Variants in NUBPL observed in about 807,000 individuals in gnomAD.
NUBPL encodes NUBP iron-sulfur cluster assembly factor, mitochondrial.
Under a neutral mutation model 45.7 loss-of-function variants are expected in NUBPL, and 31 were observed. That is an observed-to-expected ratio of 0.68 (90% confidence interval 0.51 to 0.92). NUBPL has a LOEUF of 0.92. Ranked by LOEUF, NUBPL falls within the 40% of genes least tolerant of loss-of-function variation. NUBPL has a pLI of 0.00. For synonymous variants in NUBPL, 144 were observed against 140.9 expected, an observed-to-expected ratio of 1.02 and a Z score of -0.15; for missense variants, 401 against 398.7, an observed-to-expected ratio of 1.01 and a Z score of -0.05.
At chr14:31,635,286 C>A (rs903262027) in intron 4 of NUBPL, among the ~76,000 whole-genome samples, 7 of 152,174 alleles carry the variant, frequency 4.6e-5, no homozygotes, top group African/African-American at 1.7e-4. Context: ...AGGAGGGGAT[C>A]CAGTTTCAGC....
intron 4 of NUBPL, among the ~76,000 whole-genome samples, chr14:31,627,103 A>T (rs1295792207): frequency 6.6e-6 from 1 of 152,242 alleles, no homozygotes; most frequent in African/African-American, 2.4e-5. Context: ...TATCTAGCAC[A>T]TGGTAAGCAC....
intron 6 of NUBPL, among the ~76,000 whole-genome samples, chr14:31,772,443 T>C (rs1422220339): frequency 2.0e-5 from 3 of 152,354 alleles, no homozygotes; most frequent in South Asian, 2.1e-4. Context: ...AGCAGGACTT[T>C]AGAGAACTTA....
intron 7 of NUBPL, among the ~76,000 whole-genome samples, chr14:31,788,356 C>G (rs2039322102): frequency 6.6e-6 from 1 of 152,064 alleles, no homozygotes; most frequent in Non-Finnish European, 1.5e-5. Context: ...TTGTGTTGGA[C>G]TCTTTCTTTA....
chr14:31,685,177 A>G (rs1259964137), intron 6 of NUBPL, among the ~76,000 whole-genome samples: 2 of 152,208 alleles, frequency 1.3e-5, no homozygotes, highest in African/African-American at 4.8e-5. Context: ...GGAACTGTCC[A>G]CCTGATTCCA....
At chr14:31,705,031 C>T (rs1317632198) in intron 6 of NUBPL, among the ~76,000 whole-genome samples, 2 of 152,148 alleles carry the variant, frequency 1.3e-5, no homozygotes, top group Non-Finnish European at 2.9e-5. Context: ...TGTTACAGCT[C>T]TTAAAGGCAG....
chr14:31,675,256 A>T (rs559547704), intron 6 of NUBPL, among the ~76,000 whole-genome samples: 13 of 152,132 alleles, frequency 8.5e-5, no homozygotes, highest in African/African-American at 1.9e-4. Flanking sequence ...TTTTATTGGG[A>T]TGCTTTGAGG....
At chr14:31,698,737 T>A (rs1317678780) in intron 6 of NUBPL, among the ~76,000 whole-genome samples, 4 of 152,290 alleles carry the variant, frequency 2.6e-5, no homozygotes, top group South Asian at 2.1e-4. Flanking sequence ...TTGAAAAAAA[T>A]TTCTATACTA....
intron 6 of NUBPL, among the ~76,000 whole-genome samples, chr14:31,681,849 G>A (rs28876523): frequency 0.084 from 12,696 of 151,980 alleles, 618 homozygotes; most frequent in African/African-American, 0.14. Context: ...TAACTTAATG[G>A]CATTGATTTC....
At chr14:31,612,223 A>ATTTT (rs1345302518) in intron 4 of NUBPL, among the ~76,000 whole-genome samples, 1 of 152,264 alleles carries the variant, frequency 6.6e-6, no homozygotes, top group East Asian at 1.9e-4. Context: ...TAATGGCAAA[A>ATTTT]ACTGCAATTA....
chr14:31,828,586 C>T (rs1476292204), intron 8 of NUBPL, among the ~76,000 whole-genome samples: 2 of 152,054 alleles, frequency 1.3e-5, no homozygotes, highest in African/African-American at 4.8e-5. Flanking sequence ...AGGAGTAAGA[C>T]CTTTTTAAAA....
At chr14:31,597,806 A>T (rs1357910391) in intron 3 of NUBPL, among the ~76,000 whole-genome samples, 2 of 152,152 alleles carry the variant, frequency 1.3e-5, no homozygotes, top group East Asian at 3.8e-4. Context: ...TTCTAGGATG[A>T]TAGTTATAGC....
chr14:31,684,110 G>A (rs2036899714), intron 6 of NUBPL, among the ~76,000 whole-genome samples: 1 of 152,130 alleles, frequency 6.6e-6, no homozygotes, highest in African/African-American at 2.4e-5. Flanking sequence ...AGTCACATCT[G>A]CCTGAGTTTA....
In NUBPL at chr14:31,788,282, G is replaced by A. The variant is rs535336295; in HGVS notation, c.607+409G>A. Among the ~76,000 whole-genome samples the A allele has an allele frequency of 3.2e-4, 49 of 152,324 alleles. 1 individual carries two copies. The South Asian group carries it at 7.3e-3, about 23-fold the overall frequency. On this transcript the variant is annotated intron_variant, in intron 7 of 10. Coordinates refer to ENST00000281081, the MANE Select transcript of NUBPL (RefSeq NM_025152.3). ...GAGACAGTATGCTCTGAAAGAGGAG[G>A]CAGAATGGGCTGCTGGAAAGAAAAT...
intron 7 of NUBPL, among the ~76,000 whole-genome samples, chr14:31,819,625 A>G (rs1244998347): frequency 6.6e-6 from 1 of 152,234 alleles, no homozygotes; most frequent in Non-Finnish European, 1.5e-5. Flanking sequence ...CCACATATGC[A>G]GTCATAAATA....
chr14:31,756,097 C>A (rs553996828), intron 6 of NUBPL, among the ~76,000 whole-genome samples: 2 of 151,834 alleles, frequency 1.3e-5, no homozygotes, highest in South Asian at 4.2e-4. Context: ...GTTTTGGTTA[C>A]TGTAGCCTTG....
At chr14:31,774,410 C>T (rs1337784003) in intron 6 of NUBPL, among the ~76,000 whole-genome samples, 3 of 152,176 alleles carry the variant, frequency 2.0e-5, no homozygotes, top group Non-Finnish European at 4.4e-5. Context: ...ATTCATTGGA[C>T]CCTTTCTGTT....
chr14:31,664,044 T>C (rs187791409), intron 4 of NUBPL, among the ~76,000 whole-genome samples: 31 of 152,326 alleles, frequency 2.0e-4, no homozygotes, highest in African/African-American at 7.0e-4. Flanking sequence ...TGTTTGTCTG[T>C]TATTGGTGTA....
At chr14:31,614,617 AT>A (rs2034847423) in intron 4 of NUBPL, among the ~76,000 whole-genome samples, 1 of 152,228 alleles carries the variant, frequency 6.6e-6, no homozygotes, top group Non-Finnish European at 1.5e-5. Flanking sequence ...ACTTATGATT[AT>A]TTTAAACCTA....
chr14:31,581,702 C>T (rs2033868566), intron 3 of NUBPL, among the ~76,000 whole-genome samples: 2 of 152,084 alleles, frequency 1.3e-5, no homozygotes, highest in Non-Finnish European at 2.9e-5. Context: ...ATGTAAAACG[C>T]GTGATAGACA....
Sources: allele counts gnomAD v4.1 joint callset (sites outside exome capture counted in the v4.1 genomes callset), GRCh38; gene constraint gnomAD v4.1.1; transcripts MANE v1.5; gene names NCBI Gene and HGNC (gene_info 2026-07-23, HGNC 2026-07-21).